PKIB: variants seen among roughly 807,000 people sequenced by gnomAD.
PKIB encodes PKI-beta.
Under a neutral mutation model 4.5 loss-of-function variants are expected in PKIB, and 2 were observed. The ratio of observed to expected loss-of-function variants is 0.44; its 90% confidence interval spans 0.18 to 1.39. The LOEUF (loss-of-function observed/expected upper bound fraction) is 1.39. Among genes scored for constraint, PKIB ranks in the 40% most tolerant of loss-of-function variants. PKIB has a pLI of 0.27. For synonymous variants in PKIB, 38 were observed against 36.0 expected, an observed-to-expected ratio of 1.06 and a Z score of -0.20; for missense variants, 94 against 92.6, an observed-to-expected ratio of 1.02 and a Z score of -0.06.
chr6:122,576,710 A>ATATATTTTTTT lies in PKIB; in HGVS notation c.-247-9210_-247-9209insATATTTTTTTT, dbSNP rs59569106. Among the ~76,000 whole-genome samples, 23 of 109,980 alleles carry ATATATTTTTTT rather than the reference A, an allele frequency of 2.1e-4. No individual in the cohort carries two copies. In the East Asian group the frequency reaches 3.2e-3, roughly 15 times the overall value. The allele number at this position is 109,980 out of a possible 152,430, so 72.2% of individuals were successfully genotyped here. On this transcript the variant is annotated intron_variant, in intron 2 of 6. Coordinates refer to the PKIB transcript ENST00000392491. ...AAAAAATATATATATATATATATAT[A>ATATATTTTTTT]TTTTCTTTTGTATAATTATACCTCA...
intron 2 of PKIB, among the ~76,000 whole-genome samples, chr6:122,520,671 C>CA (rs1343209770): frequency 7.7e-6 from 1 of 129,832 alleles, no homozygotes; most frequent in Admixed American, 8.2e-5. Context: ...TCCCACCCCC[C>CA]CCCCACCAAA....
intron 2 of PKIB, among the ~76,000 whole-genome samples, chr6:122,576,708 A>ATATATATC (rs1554221339): frequency 9.7e-5 from 11 of 113,970 alleles, no homozygotes; most frequent in African/African-American, 4.3e-4. Context: ...ATATATATAT[A>ATATATATC]TATTTTCTTT....
At chr6:122,517,312 T>G (rs1373566150) in intron 2 of PKIB, among the ~76,000 whole-genome samples, 11 of 152,202 alleles carry the variant, frequency 7.2e-5, no homozygotes, top group African/African-American at 2.7e-4. Flanking sequence ...TGACTTATAT[T>G]AAAGAGACTT....
chr6:122,609,574 G>A (rs1291421838), upstream of PKIB, among the ~76,000 whole-genome samples: 1 of 152,210 alleles, frequency 6.6e-6, no homozygotes. Context: ...GTATGAATGA[G>A]CAAATTAGTA....
At chr6:122,581,246 A>C (rs1773693487) in intron 2 of PKIB, among the ~76,000 whole-genome samples, 1 of 152,142 alleles carries the variant, frequency 6.6e-6, no homozygotes, top group Non-Finnish European at 1.5e-5. Flanking sequence ...GGTCTGAAGC[A>C]ATTTCTTGGT....
chr6:122,497,822 A>G (rs1358233750), intron 2 of PKIB, among the ~76,000 whole-genome samples: 3 of 152,160 alleles, frequency 2.0e-5, no homozygotes, highest in Non-Finnish European at 4.4e-5. Flanking sequence ...AAAACTAATA[A>G]GAAAGTCTGG....
At chr6:122,552,659 C>T (rs144284917) in intron 2 of PKIB, among the ~76,000 whole-genome samples, 1 of 151,942 alleles carries the variant, frequency 6.6e-6, no homozygotes, top group South Asian at 2.1e-4. Flanking sequence ...ATTACAGGCA[C>T]GAGCCACCAC....
At chr6:122,617,032 A>G (rs750059357) in intron 1 of PKIB, among the ~76,000 whole-genome samples, 10 of 152,186 alleles carry the variant, frequency 6.6e-5, no homozygotes, top group Non-Finnish European at 1.3e-4. Context: ...ATTTGAGCTC[A>G]GTAAAAATGC....
At chr6:122,609,281 A>G (rs1340877921), upstream of PKIB, among the ~76,000 whole-genome samples, 4 of 152,338 alleles carry the variant, frequency 2.6e-5, no homozygotes, top group East Asian at 7.7e-4. Flanking sequence ...CCTAAGTTCA[A>G]AACTGATTTG....
At chr6:122,528,824 T>A (rs1270358586) in intron 2 of PKIB, among the ~76,000 whole-genome samples, 1 of 152,110 alleles carries the variant, frequency 6.6e-6, no homozygotes, top group African/African-American at 2.4e-5. Context: ...CAGTGAGCCA[T>A]GGTCATACTG....
At chr6:122,648,977 C>G (rs1776437532) in intron 2 of PKIB, among the ~76,000 whole-genome samples, 2 of 152,192 alleles carry the variant, frequency 1.3e-5, no homozygotes, top group African/African-American at 4.8e-5. Context: ...TTCACAAGCC[C>G]TCTGGTCAAA....
At chr6:122,598,238 C>T (rs1005740632) in intron 3 of PKIB, among the ~76,000 whole-genome samples, 6 of 152,182 alleles carry the variant, frequency 3.9e-5, no homozygotes, top group African/African-American at 1.4e-4. Flanking sequence ...TCTGTCCATT[C>T]GACCTAGAAG....
chr6:122,544,444 T>C (rs921925541), intron 2 of PKIB, among the ~76,000 whole-genome samples: 1 of 151,960 alleles, frequency 6.6e-6, no homozygotes, highest in Non-Finnish European at 1.5e-5. Flanking sequence ...CCACAATCAT[T>C]TGAAAATATG....
At chr6:122,689,076 T>A (rs1446600932) in intron 3 of PKIB, among the ~76,000 whole-genome samples, 3 of 152,116 alleles carry the variant, frequency 2.0e-5, no homozygotes, top group African/African-American at 7.2e-5. Context: ...CCACCACACC[T>A]GGCCGATCCT....
At chr6:122,711,232 T>C (rs1779262554) in intron 3 of PKIB, among the ~76,000 whole-genome samples, 1 of 152,184 alleles carries the variant, frequency 6.6e-6, no homozygotes. Context: ...AAAGACTTTT[T>C]CATATACAGT....
chr6:122,716,175 C>G (rs1779485142), intron 3 of PKIB, among the ~76,000 whole-genome samples: 1 of 152,096 alleles, frequency 6.6e-6, no homozygotes, highest in African/African-American at 2.4e-5. Context: ...ATGATGCCAA[C>G]AATCAGACAT....
chr6:122,575,123 A>G (rs1773488571), intron 2 of PKIB, among the ~76,000 whole-genome samples: 1 of 152,200 alleles, frequency 6.6e-6, no homozygotes, highest in Non-Finnish European at 1.5e-5. Flanking sequence ...GAAGATACAC[A>G]AACAGCCAAC....
At chr6:122,614,648 T>C (rs1374047280) in intron 1 of PKIB, among the ~76,000 whole-genome samples, 1 of 152,072 alleles carries the variant, frequency 6.6e-6, no homozygotes, top group Non-Finnish European at 1.5e-5. Context: ...AATAATTAGG[T>C]AGTCTTCTCA....
chr6:122,612,034 A>G (rs1423497593), intron 1 of PKIB, among the ~76,000 whole-genome samples: 3 of 152,230 alleles, frequency 2.0e-5, no homozygotes, highest in Non-Finnish European at 4.4e-5. Flanking sequence ...TCAATAAAAT[A>G]TCAAAGACTA....
Sources: gnomAD v4.1 joint callset for allele counts (sites outside exome capture counted in the v4.1 genomes callset) on GRCh38, gnomAD v4.1.1 for gene constraint, MANE v1.5 for transcripts, NCBI Gene and HGNC (gene_info 2026-07-23, HGNC 2026-07-21) for gene names.